FHOD3: variants seen among roughly 807,000 people sequenced by gnomAD.
The protein encoded by FHOD3 is formin homology 2 domain containing 3.
In FHOD3, 90 loss-of-function variants were observed where a neutral mutation model predicts 173.0. The ratio of observed to expected loss-of-function variants is 0.52; its 90% CI spans 0.44 to 0.62. The LOEUF is 0.62. Ranked by LOEUF, FHOD3 falls within the 20% of genes least tolerant of loss-of-function variation. FHOD3 has a pLI of 0.00. For synonymous variants in FHOD3, 828 were observed against 823.0 expected, an observed-to-expected ratio of 1.01 and a Z score of -0.10; for missense variants, 1,945 against 2,034.7, an observed-to-expected ratio of 0.96 and a Z score of 0.85.
At chr18:36,317,378 A>G (rs2044179859) in intron 1 of FHOD3, among the ~76,000 whole-genome samples, 1 of 152,160 alleles carries the variant, frequency 6.6e-6, no homozygotes, top group African/African-American at 2.4e-5. Flanking sequence ...CATCCTCTCT[A>G]GCATCTGTTG....
chr18:36,535,985 C>A (rs28369356), intron 5 of FHOD3, among the ~76,000 whole-genome samples: 66 of 152,208 alleles, frequency 4.3e-4, no homozygotes, highest in African/African-American at 1.5e-3. Flanking sequence ...TAATTGAGTA[C>A]AATGTTTTTA....
At chr18:36,710,025 A>C (rs1488811736) in intron 18 of FHOD3, 1 of 152,216 alleles carries the variant, frequency 6.6e-6, no homozygotes, top group African/African-American at 2.4e-5. Context: ...TCCTTATGGA[A>C]GTATATCTTT....
At chr18:36,653,305 G>A (rs762001758) in intron 12 of FHOD3, 37 bp from the exon 13 acceptor site, 213 of 1,457,440 alleles carry the variant, frequency 1.5e-4, no homozygotes, top group Non-Finnish European at 1.8e-4. Context: ...CTATCTTTCC[G>A]TGCCACATTG....
At chr18:36,735,792 T>C (rs1178543103) in intron 20 of FHOD3, among the ~76,000 whole-genome samples, 1 of 152,218 alleles carries the variant, frequency 6.6e-6, no homozygotes, top group African/African-American at 2.4e-5. Context: ...CAGATGCTTA[T>C]ACAAAGCTGT....
chr18:36,639,656 C>T (rs1434260784), intron 10 of FHOD3, among the ~76,000 whole-genome samples: 9 of 137,580 alleles, frequency 6.5e-5, no homozygotes, highest in African/African-American at 2.5e-4. Context: ...GAGCGAGACT[C>T]CATCTCAAAA....
chr18:36,563,964 A>G (rs994012486), intron 5 of FHOD3, among the ~76,000 whole-genome samples: 5 of 152,106 alleles, frequency 3.3e-5, no homozygotes, highest in Admixed American at 3.3e-4. Context: ...GTCACCTGGT[A>G]AGCAGGGATG....
chr18:36,371,121 T>C (rs1306809544), intron 2 of FHOD3, among the ~76,000 whole-genome samples: 1 of 152,122 alleles, frequency 6.6e-6, no homozygotes, highest in Non-Finnish European at 1.5e-5. Flanking sequence ...GTAAAACAAA[T>C]GAACAAAGGA....
intron 1 of FHOD3, among the ~76,000 whole-genome samples, chr18:36,311,112 G>A (rs1346997599): frequency 1.3e-5 from 2 of 151,980 alleles, no homozygotes; most frequent in Non-Finnish European, 2.9e-5. Context: ...GGGCAAAGAA[G>A]AAAGGAGATG....
At chr18:36,362,200 G>A (rs1163943342) in intron 2 of FHOD3, among the ~76,000 whole-genome samples, 1 of 152,146 alleles carries the variant, frequency 6.6e-6, no homozygotes, top group African/African-American at 2.4e-5. Context: ...TTGATCAGAT[G>A]TAACCCCCTG....
intron 8 of FHOD3, among the ~76,000 whole-genome samples, chr18:36,609,277 A>G (rs1474035375): frequency 6.6e-6 from 1 of 151,962 alleles, no homozygotes; most frequent in African/African-American, 2.4e-5. Flanking sequence ...TTAGCAGCAG[A>G]GGCTGCAGGG....
chr18:36,667,278 A>G (rs1329748715), intron 14 of FHOD3, among the ~76,000 whole-genome samples: 1 of 152,132 alleles, frequency 6.6e-6, no homozygotes, highest in African/African-American at 2.4e-5. Context: ...CAATTTTGCT[A>G]TACAAAAATA....
intron 3 of FHOD3, among the ~76,000 whole-genome samples, chr18:36,447,571 G>A (rs1183290102): frequency 2.0e-5 from 3 of 152,176 alleles, no homozygotes; most frequent in Non-Finnish European, 4.4e-5. Context: ...GTGGACCATG[G>A]GTTTCTCTTC....
intron 23 of FHOD3, among the ~76,000 whole-genome samples, chr18:36,745,311 C>T (rs896543863): frequency 2.6e-5 from 4 of 152,214 alleles, no homozygotes; most frequent in Non-Finnish European, 4.4e-5. Context: ...CCTATCTGGA[C>T]TCAGGATTCC....
chr18:36,629,750 T>C (rs1168338053), intron 10 of FHOD3, among the ~76,000 whole-genome samples: 3 of 151,908 alleles, frequency 2.0e-5, no homozygotes, highest in South Asian at 2.1e-4. Flanking sequence ...ATAAGCCAGA[T>C]TGAGGGACAC....
At chr18:36,416,691 C>G (rs1487987122) in intron 3 of FHOD3, among the ~76,000 whole-genome samples, 1 of 152,170 alleles carries the variant, frequency 6.6e-6, no homozygotes, top group Non-Finnish European at 1.5e-5. Context: ...GCATCGCTCT[C>G]CCTGTGGATT....
At chr18:36,687,079 A>G in intron 15 of FHOD3, 49 bp from the exon 16 acceptor site, 1 of 1,401,258 alleles carries the variant, frequency 7.1e-7, no homozygotes, top group Non-Finnish European at 1.0e-6. Context: ...TGAGTATCTA[A>G]TTCTGTTACT....
In FHOD3 at chr18:36,730,802, G is replaced by A. The variant is rs754856542; in HGVS notation, c.3574G>A (p.Glu1192Lys). ...GTATGCCTTAAACAAAGAAGGAATCGAGGTGAGGGAAGCTCTATTAAGCAT... is the reference window on the plus strand; with the variant it reads ...GTATGCCTTAAACAAAGAAGGAATCAAGGTGAGGGAAGCTCTATTAAGCAT... ...DEYALNKEGI[E>K]KILTMIPTDE... Residue 1192 changes from glutamate (E) to lysine (K), a missense_variant and splice_region_variant, in exon 20 of 29, where the codon GAG becomes AAG. By Grantham distance (56) the Glu-to-Lys change is moderately conservative (BLOSUM62 1). Around this residue, in one of 5 missense-constraint regions of FHOD3, gnomAD observed 231 missense variants for 321.9 expected, o/e 0.72. Coordinates refer to ENST00000590592, the MANE Select transcript of FHOD3 (RefSeq NM_001281740.3). The A allele has an allele frequency of 6.2e-7, 1 of 1,613,600 alleles. No individual in the cohort carries two copies.
chr18:36,331,363 G>C (rs1237998252), intron 1 of FHOD3, among the ~76,000 whole-genome samples: 1 of 152,186 alleles, frequency 6.6e-6, no homozygotes, highest in African/African-American at 2.4e-5. Flanking sequence ...GAGGCCTCTT[G>C]TTCTTCTGAG....
At chr18:36,553,630 T>A (rs992596316) in intron 5 of FHOD3, among the ~76,000 whole-genome samples, 1 of 152,212 alleles carries the variant, frequency 6.6e-6, no homozygotes, top group Non-Finnish European at 1.5e-5. Context: ...TATTCTCTGA[T>A]GGTAGTTTGT....
Sources: gnomAD v4.1 joint callset for allele counts (sites outside exome capture counted in the v4.1 genomes callset) on GRCh38, gnomAD v4.1.1 for gene constraint, gnomAD v4.1.1 regional missense constraint, MANE v1.5 for transcripts, NCBI Gene and HGNC (gene_info 2026-07-23, HGNC 2026-07-21) for gene names.